Variants in BIRC3 observed in about 807,000 individuals in gnomAD.
BIRC3 encodes baculoviral IAP repeat-containing protein 3.
Under a neutral mutation model 59.0 loss-of-function variants are expected in BIRC3, and 26 were observed. The ratio of observed to expected loss-of-function variants is 0.44; its 90% CI spans 0.32 to 0.61. The LOEUF is 0.61. Among genes scored for constraint, BIRC3 ranks in the 20% least tolerant of loss-of-function variants. The probability of loss-of-function intolerance (pLI) is 0.04; values close to 1 mark genes in which losing one functional copy is unlikely to be tolerated. For missense variants in BIRC3, 641 were observed against 711.5 expected, an observed-to-expected ratio of 0.90 and a Z score of 1.13; for synonymous variants, 243 against 249.2, an observed-to-expected ratio of 0.98 and a Z score of 0.24.
rs758406976 is a variant in BIRC3, at chr11:102,336,272, G to T, written c.1579+52G>T. Reference sequence around the variant, plus strand: ...AATTTTCTAAGTCAATTGAAAATACGCTCTTATTAATAATTTATGACTACT... The same window carrying T: ...AATTTTCTAAGTCAATTGAAAATACTCTCTTATTAATAATTTATGACTACT... On this transcript the variant is annotated intron_variant, in intron 7 of 8. Transcript: ENST00000263464. 2.7e-6 allele frequency: 4 copies of T among 1,500,008 alleles called. No homozygotes were observed. In the African/African-American group the frequency reaches 5.6e-5, roughly 21 times the overall value. 92.9% of individuals were successfully genotyped at this position (1,500,008 alleles called of 1,614,324 possible).
At position 102,337,999 on chromosome 11, in the gene BIRC3, C is replaced by G. The variant is rs1295487983; in HGVS notation, c.*897C>G. The G allele has an allele frequency of 4.4e-6, 1 of 226,482 alleles. No individual in the cohort carries two copies. The highest frequency in any genetic ancestry group is 6.4e-5 in the East Asian group (1 of 15,644). The allele number at this position is 226,482 out of a possible 1,614,324, so 14.0% of individuals were successfully genotyped here. A position where few individuals can be genotyped will look rare whatever the true frequency, so the allele number is the denominator to read the frequency against. On this transcript the variant is annotated 3_prime_UTR_variant, in exon 9 of 9. Coordinates refer to ENST00000263464, the MANE Select transcript of BIRC3 (RefSeq NM_001165.5). ...TTCAAGAAGTCTCATGCCAGCCCCA[C>G]CTATTGGAAGAAGGTCTGAGTTTTA...
intron 1 of BIRC3, among the ~76,000 whole-genome samples, chr11:102,317,934 G>A (rs1299728106): frequency 6.6e-6 from 1 of 152,206 alleles, no homozygotes; most frequent in Admixed American, 6.5e-5. Flanking sequence ...CTCTGGCACA[G>A]GAAGGAAGTA....
At chr11:102,328,387 T>C (rs1951105385) in intron 4 of BIRC3, among the ~76,000 whole-genome samples, 1 of 152,214 alleles carries the variant, frequency 6.6e-6, no homozygotes, top group South Asian at 2.1e-4. Context: ...AAAAAATGAC[T>C]GGGATAGTAG....
chr11:102,325,652 A>G, intron 3 of BIRC3, 87 bp downstream of exon 3: 1 of 1,250,426 alleles, frequency 8.0e-7, no homozygotes. Context: ...TTGTTACTTT[A>G]CTCTGTTCCA....
rs1172626896 is a variant in BIRC3 at position 102,324,908 on chromosome 11, T to C, written c.399T>C (p.Tyr133=). The C allele has an allele frequency of 6.2e-7, 1 of 1,614,222 alleles. No homozygotes were observed. The highest frequency in any genetic ancestry group is 1.7e-5 in the Admixed American group (1 of 60,024). The change falls in exon 2 of 9, where the codon TAT becomes TAC. Residue 133 remains tyrosine (Y), a synonymous_variant. Coordinates refer to ENST00000263464, the MANE Select transcript of BIRC3 (RefSeq NM_001165.5). ...SLLPGTENSG[Y]FRGSYSNSPS... ...TTCCGGGTACAGAAAACAGTGGATA[T>C]TTCCGTGGCTCTTATTCAAACTCTC...
Position 102,324,881 on chromosome 11 carries a change from A to G in BIRC3, c.372A>G (p.Leu124=), listed in dbSNP as rs932622123. Residue 124 remains leucine, a synonymous_variant, in exon 2 of 9, where the codon TTA becomes TTG. Coordinates refer to ENST00000263464, the MANE Select transcript of BIRC3 (RefSeq NM_001165.5). ...CAGTAACAAATTCCACACACTCATT[A>G]CTTCCGGGTACAGAAAACAGTGGAT... ...PSSVTNSTHS[L]LPGTENSGYF... is the part of the protein sequence containing the mutation. 2.5e-6 allele frequency: 4 copies of G among 1,614,192 alleles called. No individual in the cohort carries two copies. Among genetic ancestry groups the G allele is most frequent in the Middle Eastern group, 1.6e-4 (1 of 6,062 alleles).
At position 102,337,260 on chromosome 11, in the gene BIRC3, T is replaced by C. The variant is rs1433699793; in HGVS notation, c.*158T>C. On this transcript the variant is annotated 3_prime_UTR_variant, in exon 9 of 9. Transcript: ENST00000263464. ...TATTTATATATGTATCTAAACCATA[T>C]GAACATATATTTTTTAGAAACTAAG... 2 of 480,130 alleles carry C rather than the reference T, an allele frequency of 4.2e-6. No individual in the cohort carries two copies. Among genetic ancestry groups the C allele is most frequent in the African/African-American group, 2.0e-5 (1 of 49,788 alleles). The allele number at this position is 480,130 out of a possible 1,614,324, so 29.7% of individuals were successfully genotyped here.
chr11:102,330,900 A>G, intron 5 of BIRC3, 99 bp from the exon 6 acceptor site: 1 of 1,252,832 alleles, frequency 8.0e-7, no homozygotes, highest in Non-Finnish European at 1.1e-6. Flanking sequence ...TACATTTTTA[A>G]TATTATAAAA....
chr11:102,330,945 T>A (rs1951131363), intron 5 of BIRC3, 54 bp from the exon 6 acceptor site: 4 of 1,472,902 alleles, frequency 2.7e-6, no homozygotes, highest in Non-Finnish European at 3.6e-6. Context: ...AAATTTCAAT[T>A]TTTAAGAAAT....
In BIRC3 at chr11:102,336,769, A is replaced by G; in HGVS notation, c.1589A>G (p.Asp530Gly). Residue 530 changes from aspartate (D) to glycine (G), a missense_variant, in exon 8 of 9, where the codon GAC (aspartate) becomes GGC (glycine). Asp to Gly is a moderately conservative substitution (Grantham distance 94). Around this residue, in one of 4 missense-constraint regions of BIRC3, gnomAD observed 268 missense variants for 255.7 expected, o/e 1.05. Transcript: ENST00000263464. ...VLYEHLFVQQ[D>G]IKYIPTEDVS... ...TCTTTTTCTCCCTTAGTGCAACAGG[A>G]CATAAAATATATTCCCACAGAAGAT... The G allele has an allele frequency of 6.2e-7, 1 of 1,607,824 alleles. No homozygotes were observed. The highest frequency in any genetic ancestry group is 8.5e-7 in the Non-Finnish European group (1 of 1,176,962).
intron 3 of BIRC3, among the ~76,000 whole-genome samples, chr11:102,327,706 A>G (rs1308040883): frequency 1.3e-5 from 2 of 152,220 alleles, no homozygotes; most frequent in Non-Finnish European, 2.9e-5. Context: ...TTTGTAAAAC[A>G]TTCAACCTGT....
chr11:102,331,024 C>T lies in BIRC3; in HGVS notation c.1107C>T (p.Asp369=). 6.2e-7 allele frequency: 1 copy of T among 1,613,388 alleles called. No individual in the cohort carries two copies. Among genetic ancestry groups the T allele is most frequent in the Non-Finnish European group, 8.5e-7 (1 of 1,179,650 alleles). ...SSIIHFEPGE[D]HSEDAIMMNT... is the part of the protein sequence containing the mutation. Reference sequence around the variant, plus strand: ...TTATCCATTTTGAACCTGGAGAAGACCATTCAGAAGATGCAATCATGATGA... The same window carrying T: ...TTATCCATTTTGAACCTGGAGAAGATCATTCAGAAGATGCAATCATGATGA... Residue 369 remains aspartate (D), a synonymous_variant, in exon 6 of 9, where the codon GAC becomes GAT. Coordinates refer to ENST00000263464, the MANE Select transcript of BIRC3 (RefSeq NM_001165.5).
rs1403238289 is a variant in BIRC3 at position 102,337,589 on chromosome 11, A to G, written c.*487A>G. 2 of 371,364 alleles carry G rather than the reference A, an allele frequency of 5.4e-6. No individual in the cohort carries two copies. Among genetic ancestry groups the G allele is most frequent in the African/African-American group, 2.1e-5 (1 of 48,106 alleles). The allele number at this position is 371,364 out of a possible 1,614,324, so 23.0% of individuals were successfully genotyped here. ...AAAACAAACAGAACAAAAACAAAAC[A>G]CCAGGGACACATTTCTCTGTCTTTT... is the stretch of plus-strand genomic sequence containing the variant. On this transcript the variant is annotated 3_prime_UTR_variant, in exon 9 of 9. Coordinates refer to ENST00000263464, the MANE Select transcript of BIRC3 (RefSeq NM_001165.5).
At chr11:102,318,223 T>C (rs565421189) in intron 1 of BIRC3, among the ~76,000 whole-genome samples, 49 of 152,346 alleles carry the variant, frequency 3.2e-4, no homozygotes, top group African/African-American at 1.2e-3. Context: ...TATCATAATC[T>C]TAAGAAGCAG....
At chr11:102,336,649 C>A (rs1565325777) in intron 7 of BIRC3, 111 bp from the exon 8 acceptor site, 1 of 999,844 alleles carries the variant, frequency 1.0e-6, no homozygotes, top group East Asian at 2.5e-5. Flanking sequence ...ACTTCTGTTG[C>A]CTTGAAATGA....
intron 5 of BIRC3, among the ~76,000 whole-genome samples, chr11:102,330,046 C>T (rs1241009392): frequency 4.6e-5 from 7 of 152,156 alleles, no homozygotes; most frequent in Middle Eastern, 3.4e-3. Flanking sequence ...GATATGGCAG[C>T]AAAAGTAAAG....
At chr11:102,317,743 G>A (rs1187582205) in intron 1 of BIRC3, among the ~76,000 whole-genome samples, 172 bp downstream of exon 1, 2 of 152,338 alleles carry the variant, frequency 1.3e-5, no homozygotes, top group Admixed American at 6.5e-5. Flanking sequence ...GTGGGGCGCA[G>A]TTATCAAACA....
Position 102,336,021 on chromosome 11 carries a change from T to C in BIRC3, c.1380T>C (p.Cys460=), listed in dbSNP as rs140923351. 11 of 1,613,252 alleles carry C rather than the reference T, an allele frequency of 6.8e-6. No homozygotes were observed. In the African/African-American group the frequency reaches 1.3e-4, roughly 20 times the overall value. Reference sequence around the variant, plus strand: ...TGGCACTTTTTCAACATTTGACTTGTGTAATTCCAATCCTGGATAGTCTAC... The same window carrying C: ...TGGCACTTTTTCAACATTTGACTTGCGTAATTCCAATCCTGGATAGTCTAC... ...NRMALFQHLT[C]VIPILDSLLT... is the part of the protein sequence containing the mutation. The change falls in exon 7 of 9, where the codon TGT becomes TGC. Residue 460 remains cysteine (C), a synonymous_variant. Coordinates refer to ENST00000263464, the MANE Select transcript of BIRC3 (RefSeq NM_001165.5).
At chr11:102,325,883 C>T (rs1951075996) in intron 3 of BIRC3, among the ~76,000 whole-genome samples, 2 of 151,950 alleles carry the variant, frequency 1.3e-5, no homozygotes, top group South Asian at 2.1e-4. Context: ...GAAATCTTAC[C>T]GCCTAAGGAT....
Sources: gnomAD v4.1 joint callset for allele counts (sites outside exome capture counted in the v4.1 genomes callset) on GRCh38, gnomAD v4.1.1 for gene constraint, gnomAD v4.1.1 regional missense constraint, MANE v1.5 for transcripts, NCBI Gene and HGNC (gene_info 2026-07-23, HGNC 2026-07-21) for gene names.